The following AGTPBP1 variants were observed in gnomAD, a reference collection of about 807,000 sequenced individuals.
AGTPBP1 encodes cytosolic carboxypeptidase 1.
In AGTPBP1, 70 loss-of-function variants were observed where a neutral mutation model predicts 143.9. The ratio of observed to expected loss-of-function variants is 0.49; its 90% confidence interval spans 0.40 to 0.59. The LOEUF (loss-of-function observed/expected upper bound fraction) is 0.59. Among genes scored for constraint, AGTPBP1 ranks in the 20% least tolerant of loss-of-function variants. AGTPBP1 has a pLI of 0.00. For missense variants in AGTPBP1, 1,229 were observed against 1,464.5 expected (o/e 0.84, Z 2.62); for synonymous variants, 463 against 500.2 (o/e 0.93, Z 0.99).
chr9:85,661,268 T>C (rs1382080120), intron 8 of AGTPBP1, among the ~76,000 whole-genome samples: 7 of 152,060 alleles, frequency 4.6e-5, no homozygotes, highest in East Asian at 1.9e-4. Context: ...ATGAACGGAA[T>C]CATTCATCAG....
At chr9:85,784,463 A>G in the AGTPBP1 span, among the ~76,000 whole-genome samples, 1 of 151,986 alleles carries the variant, frequency 6.6e-6, no homozygotes, top group Non-Finnish European at 1.5e-5. Flanking sequence ...GCTGGAGTGT[A>G]GTGGTACATT....
At chr9:85,801,278 C>T in the AGTPBP1 span, among the ~76,000 whole-genome samples, 73 of 152,294 alleles carry the variant, frequency 4.8e-4, no homozygotes, top group African/African-American at 1.7e-3. Context: ...CACCACTGCA[C>T]TCTGGCCTGG....
At chr9:85,775,382 G>A in the AGTPBP1 span, among the ~76,000 whole-genome samples, 17 of 151,650 alleles carry the variant, frequency 1.1e-4, no homozygotes, top group Middle Eastern at 3.2e-3. Context: ...TGGGTGCAGC[G>A]GCTCATGCCT....
chr9:85,645,625 C>G (rs1389326262), intron 12 of AGTPBP1, among the ~76,000 whole-genome samples: 1 of 151,946 alleles, frequency 6.6e-6, no homozygotes, highest in Admixed American at 6.6e-5. Context: ...AAAAATTGGT[C>G]CAAACAGGAA....
intron 14 of AGTPBP1, among the ~76,000 whole-genome samples, chr9:85,622,665 C>CA (rs1378498881): frequency 6.6e-6 from 1 of 152,070 alleles, no homozygotes; most frequent in Non-Finnish European, 1.5e-5. Flanking sequence ...GATCTACTAT[C>CA]AAAAAATTAA....
intron 3 of AGTPBP1, 86 bp downstream of exon 3, chr9:85,692,603 C>A: frequency 1.3e-6 from 2 of 1,501,160 alleles, no homozygotes; most frequent in South Asian, 1.2e-5. Context: ...GAAAATCATC[C>A]ATTATTAGAA....
At chr9:85,703,872 T>C (rs948451514) in intron 2 of AGTPBP1, among the ~76,000 whole-genome samples, 1 of 152,078 alleles carries the variant, frequency 6.6e-6, no homozygotes, top group African/African-American at 2.4e-5. Flanking sequence ...GTCCCATAAG[T>C]AGGTTTAGAA....
chr9:85,689,064 T>C (rs559757967), intron 3 of AGTPBP1, among the ~76,000 whole-genome samples: 1 of 152,312 alleles, frequency 6.6e-6, no homozygotes, highest in South Asian at 2.1e-4. Context: ...TAAAGAAACT[T>C]GCTGTATGTA....
At chr9:85,642,245 G>A (rs62569169) in intron 13 of AGTPBP1, among the ~76,000 whole-genome samples, 2,547 of 152,240 alleles carry the variant, frequency 0.017, 24 homozygotes, top group Middle Eastern at 0.054. Context: ...AACTTGACTT[G>A]CTCTGTAATC....
the AGTPBP1 span, among the ~76,000 whole-genome samples, chr9:85,772,989 G>T: frequency 6.6e-6 from 1 of 152,030 alleles, no homozygotes; most frequent in Non-Finnish European, 1.5e-5. Flanking sequence ...GTGTCGGCTG[G>T]GCACAGTGGC....
intron 1 of AGTPBP1, among the ~76,000 whole-genome samples, chr9:85,734,644 T>C (rs949483092): frequency 6.6e-6 from 1 of 152,228 alleles, no homozygotes; most frequent in African/African-American, 2.4e-5. Flanking sequence ...AGAATCTTTG[T>C]GCACTATTGA....
chr9:85,766,414 A>T, the AGTPBP1 span, among the ~76,000 whole-genome samples: 1 of 152,192 alleles, frequency 6.6e-6, no homozygotes, highest in African/African-American at 2.4e-5. Flanking sequence ...TTTAGACAGA[A>T]CATCTTTGAA....
At chr9:85,588,207 G>T in intron 21 of AGTPBP1, 91 bp downstream of exon 21, 1 of 1,150,696 alleles carries the variant, frequency 8.7e-7, no homozygotes. Context: ...AAATCACTAA[G>T]TTTGTTAACC....
At chr9:85,782,135 A>G in the AGTPBP1 span, among the ~76,000 whole-genome samples, 7 of 152,218 alleles carry the variant, frequency 4.6e-5, no homozygotes, top group Non-Finnish European at 1.0e-4. Flanking sequence ...AAAGAAAACT[A>G]CTTAAATATG....
At chr9:85,639,571 C>T (rs1832332128) in intron 13 of AGTPBP1, among the ~76,000 whole-genome samples, 1 of 152,192 alleles carries the variant, frequency 6.6e-6, no homozygotes, top group South Asian at 2.1e-4. Context: ...CAGGATTTAG[C>T]ATGTGGGAAA....
At chr9:85,651,872 G>C (rs1344954711) in intron 11 of AGTPBP1, among the ~76,000 whole-genome samples, 1 of 152,178 alleles carries the variant, frequency 6.6e-6, no homozygotes, top group African/African-American at 2.4e-5. Context: ...CAATCTAATG[G>C]ATGCTGAAGA....
the AGTPBP1 span, among the ~76,000 whole-genome samples, chr9:85,748,997 C>CTTTT: frequency 2.7e-3 from 257 of 95,424 alleles, 6 homozygotes; most frequent in African/African-American, 3.9e-3. Flanking sequence ...ATCTAGTGCA[C>CTTTT]TTTTTTTTTT....
intron 17 of AGTPBP1, among the ~76,000 whole-genome samples, chr9:85,618,208 G>C (rs1830705856): frequency 6.6e-6 from 1 of 150,906 alleles, no homozygotes; most frequent in African/African-American, 2.4e-5. Context: ...ATTCCAACTT[G>C]GGTAACAGAG....
chr9:85,782,648 T>C, the AGTPBP1 span, among the ~76,000 whole-genome samples: 1 of 152,214 alleles, frequency 6.6e-6, no homozygotes, highest in East Asian at 1.9e-4. Flanking sequence ...CAACTGACAC[T>C]TAGAGAAGGC....
Sources: allele counts gnomAD v4.1 joint callset (sites outside exome capture counted in the v4.1 genomes callset), GRCh38; gene constraint gnomAD v4.1.1; transcripts MANE v1.5; gene names NCBI Gene and HGNC (gene_info 2026-07-23, HGNC 2026-07-21).